Variants in TTC7A observed in about 807,000 individuals in gnomAD.
The protein encoded by TTC7A is tetratricopeptide repeat protein 7A.
In TTC7A, 110 loss-of-function variants were observed where a neutral mutation model predicts 103.7. The ratio of observed to expected loss-of-function variants is 1.06; its 90% CI spans 0.91 to 1.24. The LOEUF is 1.24. Ranked by LOEUF, TTC7A falls within the 50% of genes most tolerant of loss-of-function variation. The probability of loss-of-function intolerance (pLI) is 0.00; values close to 1 mark genes in which losing one functional copy is unlikely to be tolerated. For synonymous variants in TTC7A, 521 were observed against 467.9 expected (o/e 1.11, Z -1.47); for missense variants, 1,340 against 1,116.3 (o/e 1.20, Z -2.86).
chr2:47,043,193 C>T (rs952466743), intron 15 of TTC7A, among the ~76,000 whole-genome samples: 5 of 152,238 alleles, frequency 3.3e-5, no homozygotes, highest in African/African-American at 9.6e-5. Context: ...AGCTGAGTTG[C>T]TCCTTCTGAG....
intron 2 of TTC7A, among the ~76,000 whole-genome samples, chr2:46,930,164 A>C (rs143570267): frequency 6.6e-6 from 1 of 152,338 alleles, no homozygotes; most frequent in East Asian, 1.9e-4. Context: ...TAATAAAGAT[A>C]ACAAAATTAA....
At chr2:47,068,899 C>T (rs1428285393) in intron 19 of TTC7A, among the ~76,000 whole-genome samples, 2 of 145,904 alleles carry the variant, frequency 1.4e-5, no homozygotes, top group Admixed American at 6.8e-5. Context: ...AAAGACTCAC[C>T]CTACATGGAG....
intron 6 of TTC7A, 49 bp downstream of exon 6, chr2:46,993,577 TG>T: frequency 1.3e-6 from 2 of 1,577,696 alleles, no homozygotes; most frequent in Non-Finnish European, 1.7e-6. Context: ...TCAGCTTTGG[TG>T]GGAGACAACA....
chr2:47,001,079 C>A (rs1182630417), intron 8 of TTC7A, among the ~76,000 whole-genome samples: 1 of 152,168 alleles, frequency 6.6e-6, no homozygotes, highest in Non-Finnish European at 1.5e-5. Flanking sequence ...CCTGGCCTCC[C>A]TTAGTCTTCT....
intron 15 of TTC7A, among the ~76,000 whole-genome samples, chr2:47,031,111 C>T (rs921145207): frequency 6.6e-6 from 1 of 152,190 alleles, no homozygotes; most frequent in African/African-American, 2.4e-5. Context: ...TGCGCCACTG[C>T]ACTCTAGCCT....
At chr2:47,038,310 G>C (rs1312446223) in intron 15 of TTC7A, among the ~76,000 whole-genome samples, 1 of 151,628 alleles carries the variant, frequency 6.6e-6, no homozygotes, top group Non-Finnish European at 1.5e-5. Context: ...ACTTGCCCAA[G>C]GTCACATGGC....
intron 8 of TTC7A, among the ~76,000 whole-genome samples, chr2:46,997,232 G>C (rs1301121809): frequency 6.6e-6 from 1 of 152,116 alleles, no homozygotes; most frequent in African/African-American, 2.4e-5. Context: ...ACCTGCCTCA[G>C]CCTCCCAAAG....
At chr2:46,958,191 G>A (rs933493837) in intron 3 of TTC7A, among the ~76,000 whole-genome samples, 18 of 152,114 alleles carry the variant, frequency 1.2e-4, no homozygotes, top group Admixed American at 1.3e-4. Context: ...GAGGGGGTTC[G>A]CCCACCCAAG....
intron 13 of TTC7A, among the ~76,000 whole-genome samples, chr2:47,023,959 G>C (rs993334280): frequency 6.9e-6 from 1 of 145,216 alleles, no homozygotes; most frequent in African/African-American, 2.6e-5. Flanking sequence ...TGCCTGACTT[G>C]TCACTCCCTC....
At position 47,075,316 on chromosome 2, in the gene TTC7A, T is replaced by C. The variant is rs529917719; in HGVS notation, c.*1393T>C. 6.6e-6 allele frequency: 1 copy of C among 152,346 alleles called. No individual in the cohort carries two copies. The highest frequency in any genetic ancestry group is 1.9e-4 in the East Asian group (1 of 5,192). The allele number at this position is 152,346 out of a possible 1,614,324, so 9.4% of individuals were successfully genotyped here. On this transcript the variant is annotated 3_prime_UTR_variant, in exon 20 of 20. Coordinates refer to ENST00000319190, the MANE Select transcript of TTC7A (RefSeq NM_020458.4). Reference sequence around the variant, plus strand: ...ATATAAATATAGTTTTTTATCTATATATATAAAATAGAGATCTATTTTTTT... The same window carrying C: ...ATATAAATATAGTTTTTTATCTATACATATAAAATAGAGATCTATTTTTTT...
At chr2:46,997,996 C>T (rs1676390676) in intron 8 of TTC7A, among the ~76,000 whole-genome samples, 1 of 152,098 alleles carries the variant, frequency 6.6e-6, no homozygotes, top group Admixed American at 6.5e-5. Context: ...CTCCTCCAAG[C>T]AGCTCTTTCC....
chr2:46,999,127 G>C (rs893549474), intron 8 of TTC7A, among the ~76,000 whole-genome samples: 1 of 151,518 alleles, frequency 6.6e-6, no homozygotes, highest in Admixed American at 6.6e-5. Flanking sequence ...CCATTCATTC[G>C]TCCACTTATT....
chr2:46,915,928 C>T (rs1572624566), upstream of TTC7A: 1 of 985,220 alleles, frequency 1.0e-6, no homozygotes, highest in Non-Finnish European at 1.2e-6. Context: ...CGCGTGAGTC[C>T]ACGTGTAATC....
intron 4 of TTC7A, among the ~76,000 whole-genome samples, chr2:46,976,090 T>C (rs1673851090): frequency 6.6e-6 from 1 of 151,744 alleles, no homozygotes; most frequent in Non-Finnish European, 1.5e-5. Flanking sequence ...CTTGGTTCAA[T>C]GCTAAGGGGA....
At chr2:46,951,739 A>G (rs1446912362) in intron 2 of TTC7A, 2 of 448,878 alleles carry the variant, frequency 4.5e-6, no homozygotes, top group Non-Finnish European at 8.9e-6. Flanking sequence ...CCAAAGTAAT[A>G]TATTCACTTC....
chr2:47,016,791 T>G (rs898191504), intron 11 of TTC7A, among the ~76,000 whole-genome samples: 1 of 152,016 alleles, frequency 6.6e-6, no homozygotes, highest in Non-Finnish European at 1.5e-5. Flanking sequence ...GAGGAAGACG[T>G]CTGGAGTAGA....
At chr2:46,958,790 T>A (rs1311577942) in intron 3 of TTC7A, among the ~76,000 whole-genome samples, 2 of 152,166 alleles carry the variant, frequency 1.3e-5, no homozygotes, top group East Asian at 3.9e-4. Context: ...TGCCTGGGTT[T>A]GGGGGATCCG....
intron 2 of TTC7A, among the ~76,000 whole-genome samples, chr2:46,921,393 C>A (rs1374703092): frequency 6.6e-6 from 1 of 152,116 alleles, no homozygotes; most frequent in Non-Finnish European, 1.5e-5. Context: ...GCTTAAAATA[C>A]CATTATAATA....
chr2:46,992,253 G>A (rs1408853750), intron 5 of TTC7A, among the ~76,000 whole-genome samples: 2 of 152,232 alleles, frequency 1.3e-5, no homozygotes, highest in South Asian at 2.1e-4. Context: ...TTAGAAACAC[G>A]GGAGCGATGC....
Sources: allele counts gnomAD v4.1 joint callset (sites outside exome capture counted in the v4.1 genomes callset), GRCh38; gene constraint gnomAD v4.1.1; transcripts MANE v1.5; gene names NCBI Gene and HGNC (gene_info 2026-07-23, HGNC 2026-07-21).